ERBB4: variants seen among roughly 807,000 people sequenced by gnomAD.
ERBB4 encodes the protein receptor tyrosine-protein kinase erbB-4.
Under a neutral mutation model 158.0 loss-of-function variants are expected in ERBB4, and 42 were observed. The observed-to-expected ratio is 0.27, with a 90% CI of 0.21 to 0.34. ERBB4 has a LOEUF of 0.34. Among genes scored for constraint, ERBB4 ranks in the 10% least tolerant of loss-of-function variants. The probability of loss-of-function intolerance (pLI) is 1.00; values close to 1 mark genes in which losing one functional copy is unlikely to be tolerated. For synonymous variants in ERBB4, 583 were observed against 558.7 expected (o/e 1.04, Z -0.61); for missense variants, 1,333 against 1,624.1 (o/e 0.82, Z 3.08).
At position 211,826,310 on chromosome 2, in the gene ERBB4, C is replaced by T. The variant is rs569754828; in HGVS notation, c.422-38151G>A. On this transcript the variant is annotated intron_variant, in intron 3 of 27. Transcript: ENST00000342788. ...ATTTCAGGCACTGTGTTATGGATTA[C>T]GGATATAATCATAATCAAATACATA... is the stretch of plus-strand genomic sequence containing the variant. Among the ~76,000 whole-genome samples, 12 of 151,480 alleles carry T rather than the reference C, an allele frequency of 7.9e-5. No individual in the cohort carries two copies. The South Asian group carries it at 1.2e-3, about 16-fold the overall frequency.
At chr2:211,668,278 A>C (rs2071705025) in intron 14 of ERBB4, among the ~76,000 whole-genome samples, 1 of 152,218 alleles carries the variant, frequency 6.6e-6, no homozygotes, top group African/African-American at 2.4e-5. Flanking sequence ...ATCATGATAG[A>C]AAACCTAATG....
At chr2:211,404,712 T>C (rs2063114655) in intron 25 of ERBB4, among the ~76,000 whole-genome samples, 1 of 152,074 alleles carries the variant, frequency 6.6e-6, no homozygotes, top group Non-Finnish European at 1.5e-5. Context: ...GAAGGAAAAT[T>C]ATACAACAAA....
chr2:211,414,452 C>T (rs1260961705), intron 25 of ERBB4, among the ~76,000 whole-genome samples: 4 of 138,904 alleles, frequency 2.9e-5, no homozygotes, highest in Admixed American at 7.8e-5. Flanking sequence ...GCTGAGATTG[C>T]GTCACTGCAC....
intron 1 of ERBB4, among the ~76,000 whole-genome samples, chr2:212,378,898 A>G (rs994157129): frequency 6.6e-6 from 1 of 151,862 alleles, no homozygotes; most frequent in African/African-American, 2.4e-5. Flanking sequence ...TGATGATTTT[A>G]GTTCCATTAA....
chr2:211,637,272 T>G (rs1390463544), intron 16 of ERBB4, among the ~76,000 whole-genome samples: 1 of 151,900 alleles, frequency 6.6e-6, no homozygotes, highest in Non-Finnish European at 1.5e-5. Context: ...ACCTATTGAC[T>G]CTCTATTAAA....
intron 16 of ERBB4, among the ~76,000 whole-genome samples, chr2:211,650,500 G>A (rs182072370): frequency 1.8e-4 from 27 of 152,196 alleles, no homozygotes; most frequent in African/African-American, 5.8e-4. Flanking sequence ...AATGGGTTCA[G>A]GCAAACAGAT....
intron 20 of ERBB4, among the ~76,000 whole-genome samples, chr2:211,518,505 T>C (rs1574656050): frequency 6.6e-6 from 1 of 152,024 alleles, no homozygotes; most frequent in East Asian, 2.0e-4. Flanking sequence ...AATACCAAAA[T>C]TAGCCAGGGG....
chr2:212,275,392 G>A (rs567274684), intron 1 of ERBB4, among the ~76,000 whole-genome samples: 12 of 152,042 alleles, frequency 7.9e-5, no homozygotes, highest in African/African-American at 2.9e-4. Context: ...CCCACCAACA[G>A]TGTAAAAGCG....
chr2:211,883,191 G>A (rs961916255), intron 3 of ERBB4, among the ~76,000 whole-genome samples: 18 of 152,028 alleles, frequency 1.2e-4, no homozygotes, highest in East Asian at 3.9e-4. Context: ...GCAAACTATC[G>A]CAAGGACAAA....
chr2:212,065,791 T>C (rs1376272949), intron 2 of ERBB4, among the ~76,000 whole-genome samples: 2 of 152,062 alleles, frequency 1.3e-5, no homozygotes, highest in Non-Finnish European at 2.9e-5. Context: ...GTACAGTCAC[T>C]TTCTAAACAC....
intron 1 of ERBB4, among the ~76,000 whole-genome samples, chr2:212,391,672 T>TTA (rs1204373837): frequency 7.7e-6 from 1 of 129,434 alleles, no homozygotes; most frequent in South Asian, 2.4e-4. Flanking sequence ...GTATTATATT[T>TTA]TATATATATT....
intron 2 of ERBB4, among the ~76,000 whole-genome samples, chr2:212,055,169 G>T (rs1023368958): frequency 3.3e-5 from 5 of 152,182 alleles, no homozygotes; most frequent in African/African-American, 1.2e-4. Context: ...CTGGCTCGGA[G>T]GGTCCCACGC....
chr2:212,209,196 C>T (rs767811083), intron 1 of ERBB4, among the ~76,000 whole-genome samples: 65 of 152,212 alleles, frequency 4.3e-4, no homozygotes, highest in Non-Finnish European at 8.2e-4. Flanking sequence ...GATGAACTCT[C>T]CATAACTGAA....
At chr2:211,699,314 C>G (rs908801833) in intron 12 of ERBB4, among the ~76,000 whole-genome samples, 8 of 132,228 alleles carry the variant, frequency 6.1e-5, no homozygotes, top group Non-Finnish European at 8.5e-5. Context: ...TGCGTATGCT[C>G]ATGTACATCT....
intron 1 of ERBB4, among the ~76,000 whole-genome samples, chr2:212,339,396 T>C (rs1238612447): frequency 6.6e-6 from 1 of 152,234 alleles, no homozygotes; most frequent in Non-Finnish European, 1.5e-5. Flanking sequence ...AAATGTAGTA[T>C]AGTATTAGTA....
chr2:212,106,819 A>G, intron 2 of ERBB4, among the ~76,000 whole-genome samples: 1 of 152,202 alleles, frequency 6.6e-6, no homozygotes, highest in Non-Finnish European at 1.5e-5. Context: ...AAAGGGGCCA[A>G]GGTAGAGCTC....
intron 9 of ERBB4, among the ~76,000 whole-genome samples, chr2:211,711,369 TATAGACAA>T (rs2073695316): frequency 6.6e-6 from 1 of 152,148 alleles, no homozygotes; most frequent in Non-Finnish European, 1.5e-5. Context: ...TAAGTAGTAA[TATAGACAA>T]ATAGATAACA....
chr2:211,773,598 TTATATATATATATA>T (rs1171015959), intron 4 of ERBB4, among the ~76,000 whole-genome samples: 433 of 29,778 alleles, frequency 0.015, 6 homozygotes, highest in Admixed American at 0.039. Context: ...TTCTGTAACT[TTATATATATATATA>T]TATATATATA....
intron 25 of ERBB4, among the ~76,000 whole-genome samples, chr2:211,407,464 T>A (rs1397491691): frequency 6.6e-6 from 1 of 152,212 alleles, no homozygotes; most frequent in East Asian, 1.9e-4. Flanking sequence ...AGTATGAATG[T>A]TGCTAAACAA....
Sources: allele counts gnomAD v4.1 joint callset (sites outside exome capture counted in the v4.1 genomes callset), GRCh38; gene constraint gnomAD v4.1.1; transcripts MANE v1.5; gene names NCBI Gene and HGNC (gene_info 2026-07-23, HGNC 2026-07-21).